ARID1A: variants seen among roughly 807,000 people sequenced by gnomAD.
The protein encoded by ARID1A is AT-rich interactive domain-containing protein 1A.
A neutral mutation model predicts 212.6 loss-of-function variants in ARID1A; 20 were observed. The ratio of observed to expected loss-of-function variants is 0.09; its 90% CI spans 0.07 to 0.14. ARID1A has a LOEUF of 0.14. Ranked by LOEUF, ARID1A falls within the 10% of genes least tolerant of loss-of-function variation. The pLI, the probability that ARID1A is intolerant of heterozygous loss-of-function variation, is 1.00. For missense variants in ARID1A, 2,587 were observed against 3,059.0 expected, an observed-to-expected ratio of 0.85 and a Z score of 3.64; for synonymous variants, 1,376 against 1,222.1, an observed-to-expected ratio of 1.13 and a Z score of -2.63.
chr1:26,773,943 G>C (rs751013525), intron 17 of ARID1A, 45 bp downstream of exon 17: 9 of 1,585,526 alleles, frequency 5.7e-6, no homozygotes, highest in South Asian at 2.2e-5. Flanking sequence ...GGTTCGCCTT[G>C]AAAACTAGTT....
intron 1 of ARID1A, among the ~76,000 whole-genome samples, chr1:26,721,945 C>T (rs1407534104): frequency 1.3e-5 from 2 of 152,114 alleles, no homozygotes; most frequent in Non-Finnish European, 2.9e-5. Context: ...TTTTGGTCTC[C>T]TTCTTCTAAC....
At chr1:26,766,607 A>T (rs753667254) in intron 10 of ARID1A, 41 bp downstream of exon 10, 111 of 1,540,120 alleles carry the variant, frequency 7.2e-5, no homozygotes, top group Non-Finnish European at 3.9e-5. Context: ...TTTGTGTCCT[A>T]TCTTTTTCAG....
intron 4 of ARID1A, chr1:26,752,926 A>C (rs2080897451): frequency 6.6e-6 from 1 of 152,222 alleles, no homozygotes; most frequent in Non-Finnish European, 1.5e-5. Context: ...GCTTTTCCCA[A>C]CTAAATGGGT....
chr1:26,770,786 G>T, intron 11 of ARID1A: 1 of 251,918 alleles, frequency 4.0e-6, no homozygotes, highest in Non-Finnish European at 7.6e-6. Flanking sequence ...AAATAAAATA[G>T]GATTTAGATA....
intron 1 of ARID1A, among the ~76,000 whole-genome samples, chr1:26,709,125 A>G (rs570579526): frequency 3.9e-5 from 6 of 152,318 alleles, no homozygotes; most frequent in Non-Finnish European, 7.4e-5. Flanking sequence ...ACTTTAGGTA[A>G]GTCACTTCTC....
intron 4 of ARID1A, among the ~76,000 whole-genome samples, chr1:26,737,852 C>G (rs1264920419): frequency 6.7e-6 from 1 of 149,566 alleles, no homozygotes; most frequent in South Asian, 2.1e-4. Context: ...GCTACAAGAG[C>G]GAAACTCCGT....
chr1:26,761,430 C>T lies in ARID1A; in HGVS notation c.2208C>T (p.Ile736=). 6.2e-7 allele frequency: 1 copy of T among 1,614,234 alleles called. No individual in the cohort carries two copies. Among genetic ancestry groups the T allele is most frequent in the Non-Finnish European group, 8.5e-7 (1 of 1,180,044 alleles). The change falls in exon 6 of 20, where the codon ATC becomes ATT. Residue 736 remains isoleucine (I), a synonymous_variant. Transcript: ENST00000324856. The part of the protein sequence containing the change: ...PRPPSGQSDS[I]MHPSMNQSSI... ...CACCCAGTGGCCAGTCGGACAGCATCATGCATCCTTCCATGAACCAATCAA... is the reference window on the plus strand; with the variant it reads ...CACCCAGTGGCCAGTCGGACAGCATTATGCATCCTTCCATGAACCAATCAA...
intron 4 of ARID1A, among the ~76,000 whole-genome samples, chr1:26,739,580 C>G (rs558456254): frequency 8.5e-5 from 13 of 152,260 alleles, no homozygotes; most frequent in Non-Finnish European, 1.3e-4. Flanking sequence ...TGTAGTTTGA[C>G]TCTTGATTAT....
At chr1:26,767,370 A>G (rs1173831580) in intron 10 of ARID1A, among the ~76,000 whole-genome samples, 1 of 152,224 alleles carries the variant, frequency 6.6e-6, no homozygotes. Flanking sequence ...TCTAAAACAT[A>G]GTACCTAAGT....
chr1:26,750,991 A>C (rs1389329887), intron 4 of ARID1A, among the ~76,000 whole-genome samples: 1 of 152,080 alleles, frequency 6.6e-6, no homozygotes, highest in East Asian at 1.9e-4. Flanking sequence ...ATGGTGGCTC[A>C]CACCTGTAAT....
At chr1:26,697,915 TTGAA>T (rs2124746389) in intron 1 of ARID1A, among the ~76,000 whole-genome samples, 1 of 151,034 alleles carries the variant, frequency 6.6e-6, no homozygotes, top group East Asian at 2.0e-4. Context: ...AGCCCAGGAG[TTGAA>T]TGAACGTTTC....
intron 1 of ARID1A, among the ~76,000 whole-genome samples, chr1:26,713,741 A>G (rs2080475798): frequency 6.6e-6 from 1 of 152,186 alleles, no homozygotes; most frequent in Non-Finnish European, 1.5e-5. Context: ...ACAAGTTCCT[A>G]AATGGTCTCT....
intron 1 of ARID1A, among the ~76,000 whole-genome samples, chr1:26,720,929 A>C (rs2080558619): frequency 6.6e-6 from 1 of 151,674 alleles, no homozygotes; most frequent in Non-Finnish European, 1.5e-5. Flanking sequence ...GCTAATTAAG[A>C]ATCTGGAGGG....
At chr1:26,731,054 T>C in intron 2 of ARID1A, 98 bp from the exon 3 acceptor site, 2 of 1,315,384 alleles carry the variant, frequency 1.5e-6, no homozygotes, top group Non-Finnish European at 1.1e-6. Context: ...GCATGCTTGC[T>C]TTCTATACTC....
chr1:26,774,790 C>T lies in ARID1A; in HGVS notation c.4563C>T (p.Pro1521=), dbSNP rs149095176. The T allele has an allele frequency of 1.0e-4, 166 of 1,614,188 alleles. 1 individual carries two copies. The African/African-American group carries it at 1.8e-3, about 18-fold the overall frequency. ...GCACGGGCTCTGCCCCCCAGGGCCC[C>T]GCCTATCATGGCGTGAACCGAACAG... ...RQSTGSAPQG[P]AYHGVNRTDE... Residue 1521 remains proline (P), a synonymous_variant, in exon 18 of 20, where the codon CCC becomes CCT. Transcript: ENST00000324856. This position sits in a 1 kb window ranked among gnomAD's most constrained non-coding sequence, Gnocchi z 5.6.
rs1234079420 is a variant in ARID1A at position 26,779,548 on chromosome 1, A to G, written c.5650A>G (p.Thr1884Ala). 1 of 1,614,118 alleles carries G rather than the reference A, an allele frequency of 6.2e-7. No homozygotes were observed. The highest frequency in any genetic ancestry group is 1.1e-5 in the South Asian group (1 of 91,082). The change falls in exon 20 of 20, where the codon ACA becomes GCA. Residue 1884 changes from threonine (T) to alanine (A), a missense_variant. Physicochemically the swap from Thr to Ala is moderately conservative, Grantham distance 58. Around this residue, in one of 11 missense-constraint regions of ARID1A, gnomAD observed 890 missense variants for 1,098.2 expected, o/e 0.81. Transcript: ENST00000324856. ...ACCAGCCCCTCGGAAGCATGTGACA[A>G]CAGCAGAGGGTACACCAGGGACAAC... ...CPPAPRKHVT[T>A]AEGTPGTTDQ...
chr1:26,700,260 A>G (rs2080319644), intron 1 of ARID1A, among the ~76,000 whole-genome samples: 1 of 152,242 alleles, frequency 6.6e-6, no homozygotes, highest in Non-Finnish European at 1.5e-5. Context: ...TCTTAAATTA[A>G]AAAGTCTTGC....
At chr1:26,734,688 A>G (rs527426450) in intron 4 of ARID1A, among the ~76,000 whole-genome samples, 50 of 152,270 alleles carry the variant, frequency 3.3e-4, no homozygotes, top group African/African-American at 1.2e-3. Flanking sequence ...ATTCTTTGAA[A>G]TTTTGGTTTG....
At chr1:26,764,441 A>G (rs1038277445) in intron 8 of ARID1A, 1 of 152,104 alleles carries the variant, frequency 6.6e-6, no homozygotes, top group Non-Finnish European at 1.5e-5. Flanking sequence ...TGGTGTTAGA[A>G]ATAGCAAATG....
Sources: allele counts gnomAD v4.1 joint callset (sites outside exome capture counted in the v4.1 genomes callset), GRCh38; gene constraint gnomAD v4.1.1; regional missense constraint gnomAD v4.1.1; non-coding constraint Gnocchi (gnomAD v3.1); transcripts MANE v1.5; gene names NCBI Gene and HGNC (gene_info 2026-07-23, HGNC 2026-07-21).